KIAA1958: variants seen among roughly 807,000 people sequenced by gnomAD.
KIAA1958 encodes the protein KIAA1958, also known as uncharacterized protein KIAA1958.
KIAA1958 carries 14 observed loss-of-function variants against 47.2 expected under a neutral mutation model. The ratio of observed to expected loss-of-function variants is 0.30; its 90% CI spans 0.20 to 0.46. The LOEUF is 0.46. Ranked by LOEUF, KIAA1958 falls within the 20% of genes least tolerant of loss-of-function variation. The pLI, the probability that KIAA1958 is intolerant of heterozygous loss-of-function variation, is 1.00. For missense variants in KIAA1958, 803 were observed against 909.2 expected, an observed-to-expected ratio of 0.88 and a Z score of 1.50; for synonymous variants, 354 against 353.3, an observed-to-expected ratio of 1.00 and a Z score of -0.02.
At chr9:112,591,958 G>T (rs192186883) in intron 2 of KIAA1958, among the ~76,000 whole-genome samples, 9 of 152,288 alleles carry the variant, frequency 5.9e-5, no homozygotes, top group Admixed American at 3.3e-4. Flanking sequence ...AGGGAAAGGG[G>T]TTCTTATCCC....
intron 3 of KIAA1958, among the ~76,000 whole-genome samples, chr9:112,652,180 T>C (rs1348580040): frequency 6.6e-6 from 1 of 152,192 alleles, no homozygotes; most frequent in Admixed American, 6.5e-5. Context: ...TTTTATTTTA[T>C]TCTTTCCCAC....
At chr9:112,523,387 GC>G (rs1834586067) in intron 1 of KIAA1958, among the ~76,000 whole-genome samples, 1 of 152,132 alleles carries the variant, frequency 6.6e-6, no homozygotes, top group Non-Finnish European at 1.5e-5. Flanking sequence ...GGAGGTCAAG[GC>G]TGCAGTGAAC....
At chr9:112,529,654 C>T (rs1255530188) in intron 1 of KIAA1958, among the ~76,000 whole-genome samples, 1 of 152,038 alleles carries the variant, frequency 6.6e-6, no homozygotes, top group African/African-American at 2.4e-5. Context: ...GGTAAAATAC[C>T]ATCCTTACCA....
At position 112,521,439 on chromosome 9, in the gene KIAA1958, C is replaced by T. The variant is rs146079100; in HGVS notation, c.-25+34321C>T. 2.9e-3 allele frequency among the ~76,000 whole-genome samples: 440 copies of T among 152,250 alleles called. 3 individuals are homozygous for T. The highest frequency in any genetic ancestry group is 0.01 in the African/African-American group (419 of 41,540). ...CTGTTGCCCAGTTTGGTCTCAAACT[C>T]CTGAATTCAAGTGACCCTCCCACGT... is the stretch of plus-strand genomic sequence containing the variant. On this transcript the variant is annotated intron_variant, in intron 1 of 3. Coordinates refer to ENST00000337530, the MANE Select transcript of KIAA1958 (RefSeq NM_133465.4).
At chr9:112,655,252 A>T (rs578216878) in intron 3 of KIAA1958, among the ~76,000 whole-genome samples, 76 of 152,320 alleles carry the variant, frequency 5.0e-4, no homozygotes, top group African/African-American at 1.8e-3. Context: ...TGTCAATTAT[A>T]TTAAAATATT....
intron 1 of KIAA1958, among the ~76,000 whole-genome samples, chr9:112,520,145 T>C (rs1834512185): frequency 6.6e-6 from 1 of 152,236 alleles, no homozygotes; most frequent in Non-Finnish European, 1.5e-5. Flanking sequence ...GCAAATTAAT[T>C]TGTTTTTGCA....
Position 112,645,747 on chromosome 9 carries a change from C to A in KIAA1958, c.1269C>A (p.Ala423=). 1 of 1,614,064 alleles carries A rather than the reference C, an allele frequency of 6.2e-7. No individual in the cohort carries two copies. Among genetic ancestry groups the A allele is most frequent in the Non-Finnish European group, 8.5e-7 (1 of 1,179,974 alleles). The change falls in exon 3 of 4, where the codon GCC becomes GCA. Residue 423 remains alanine (A), a synonymous_variant. Transcript: ENST00000337530. ...CAGTAAGCCCAAATACTACCAAAGC[C>A]ACGCGGTACGCCTTGAATGTGTGGC... ...TSAVSPNTTK[A]TRYALNVWRY...
At chr9:112,564,820 A>T (rs1358396053) in intron 1 of KIAA1958, among the ~76,000 whole-genome samples, 1 of 152,230 alleles carries the variant, frequency 6.6e-6, no homozygotes. Flanking sequence ...CTACTATTGT[A>T]ATACCAGTGG....
intron 2 of KIAA1958, among the ~76,000 whole-genome samples, chr9:112,632,715 C>T (rs1311286176): frequency 6.6e-6 from 1 of 151,796 alleles, no homozygotes; most frequent in African/African-American, 2.4e-5. Flanking sequence ...TTCATATGTC[C>T]TTGGTTTATG....
Position 112,486,862 on chromosome 9 carries a change from C to CGGAGCTCGG in KIAA1958, c.-278_-270dup, listed in dbSNP as rs1833856659. The CGGAGCTCGG allele has an allele frequency of 7.1e-6, 1 of 141,188 alleles. No homozygotes were observed. The highest frequency in any genetic ancestry group is 1.6e-5 in the Non-Finnish European group (1 of 63,698). The allele number at this position is 141,188 out of a possible 1,614,324, so 8.7% of individuals were successfully genotyped here. On this transcript the variant is annotated 5_prime_UTR_variant, in exon 1 of 4. Transcript: ENST00000337530. ...CCCGCCGCGCTCCGAGCCGGGCGCG[C>CGGAGCTCGG]GGAGCTCGGGGCGCACGGAGCGGCG... is the stretch of plus-strand genomic sequence containing the variant.
chr9:112,633,410 G>C (rs1430486453), intron 2 of KIAA1958, among the ~76,000 whole-genome samples: 1 of 151,896 alleles, frequency 6.6e-6, no homozygotes, highest in African/African-American at 2.4e-5. Flanking sequence ...TAGGTTCATG[G>C]TATAACTCTT....
intron 1 of KIAA1958, among the ~76,000 whole-genome samples, chr9:112,531,214 C>T (rs920960869): frequency 6.6e-6 from 1 of 152,206 alleles, no homozygotes; most frequent in Admixed American, 6.5e-5. Context: ...CATGGAGAAA[C>T]CCCATCTCTA....
chr9:112,609,518 G>A (rs1406889292), intron 2 of KIAA1958, among the ~76,000 whole-genome samples: 1 of 152,138 alleles, frequency 6.6e-6, no homozygotes, highest in African/African-American at 2.4e-5. Context: ...AGAGGCAAGT[G>A]CAAAATGCAC....
intron 1 of KIAA1958, among the ~76,000 whole-genome samples, chr9:112,544,639 C>T (rs746257028): frequency 6.6e-6 from 1 of 152,226 alleles, no homozygotes; most frequent in Non-Finnish European, 1.5e-5. Context: ...ATCTACTCTG[C>T]CATCCTGGAG....
intron 1 of KIAA1958, among the ~76,000 whole-genome samples, chr9:112,521,712 T>C (rs1834547235): frequency 6.6e-6 from 1 of 152,152 alleles, no homozygotes; most frequent in Admixed American, 6.5e-5. Context: ...GAAAAGAATA[T>C]ATATTCTGTA....
intron 1 of KIAA1958, among the ~76,000 whole-genome samples, chr9:112,556,021 G>A (rs1221381358): frequency 6.6e-6 from 1 of 152,144 alleles, no homozygotes; most frequent in African/African-American, 2.4e-5. Context: ...AGATTGCAGT[G>A]AGCCAAGATC....
At chr9:112,497,292 G>C (rs1488257416) in intron 1 of KIAA1958, among the ~76,000 whole-genome samples, 1 of 152,168 alleles carries the variant, frequency 6.6e-6, no homozygotes, top group Admixed American at 6.5e-5. Flanking sequence ...AGGTGATTAA[G>C]TTAGGATAAG....
intron 1 of KIAA1958, among the ~76,000 whole-genome samples, chr9:112,519,184 A>G (rs996720769): frequency 6.6e-6 from 1 of 151,952 alleles, no homozygotes; most frequent in Non-Finnish European, 1.5e-5. Context: ...CTCAAGCAGT[A>G]CTCCCACCCT....
At position 112,653,236 on chromosome 9, in the gene KIAA1958, A is replaced by T. The variant is rs930241828; in HGVS notation, c.1345-6027A>T. 2.0e-5 allele frequency among the ~76,000 whole-genome samples: 3 copies of T among 152,210 alleles called. No homozygotes were observed. In the East Asian group the frequency reaches 5.8e-4, roughly 29 times the overall value. On this transcript the variant is annotated intron_variant, in intron 3 of 3. Coordinates refer to ENST00000337530, the MANE Select transcript of KIAA1958 (RefSeq NM_133465.4). ...TAGAAAAAAGCATTCTTGGCAGAGG[A>T]AGTAGCATGAAAAGGTCTTATGGTT...
Sources: allele counts gnomAD v4.1 joint callset (sites outside exome capture counted in the v4.1 genomes callset), GRCh38; gene constraint gnomAD v4.1.1; transcripts MANE v1.5; gene names NCBI Gene and HGNC (gene_info 2026-07-23, HGNC 2026-07-21).